Variants in SLIT3 observed in about 807,000 individuals in gnomAD.
The protein encoded by SLIT3 is slit homolog 3 protein.
In SLIT3, 68 loss-of-function variants were observed where a neutral mutation model predicts 184.0. The observed-to-expected ratio is 0.37, with a 90% CI of 0.30 to 0.45. The LOEUF (loss-of-function observed/expected upper bound fraction) is 0.45, where lower values mean the gene tolerates loss of function less well. Among genes scored for constraint, SLIT3 ranks in the 20% least tolerant of loss-of-function variants. The pLI, the probability that SLIT3 is intolerant of heterozygous loss-of-function variation, is 1.00. For missense variants in SLIT3, 1,707 were observed against 2,026.0 expected (o/e 0.84, Z 3.02); for synonymous variants, 831 against 828.6 (o/e 1.00, Z -0.05).
intron 9 of SLIT3, among the ~76,000 whole-genome samples, chr5:168,800,158 C>T (rs563501236): frequency 3.4e-4 from 52 of 152,358 alleles, no homozygotes; most frequent in African/African-American, 1.3e-3. Flanking sequence ...GGTTCAGTTC[C>T]TGATGCTTCC....
At chr5:168,930,736 C>G (rs901600164) in intron 4 of SLIT3, among the ~76,000 whole-genome samples, 1 of 152,060 alleles carries the variant, frequency 6.6e-6, no homozygotes, top group African/African-American at 2.4e-5. Flanking sequence ...CGCTTGGCAG[C>G]TGACACCTGT....
intron 10 of SLIT3, 111 bp from the exon 11 acceptor site, chr5:168,789,742 T>G: frequency 1.3e-6 from 1 of 784,152 alleles, no homozygotes; most frequent in Non-Finnish European, 2.2e-6. Context: ...GATTAATCAA[T>G]CAATCAAGCA....
At chr5:169,040,756 C>T (rs1042193010) in intron 4 of SLIT3, among the ~76,000 whole-genome samples, 3 of 152,218 alleles carry the variant, frequency 2.0e-5, no homozygotes, top group African/African-American at 7.2e-5. Context: ...TCACCTCAAT[C>T]AATTATCCCT....
chr5:168,853,751 GC>G (rs1251499059), intron 5 of SLIT3, among the ~76,000 whole-genome samples: 1 of 152,138 alleles, frequency 6.6e-6, no homozygotes, highest in Admixed American at 6.5e-5. Context: ...TCTGGAAACA[GC>G]CCAGACTCCT....
chr5:169,262,110 C>A (rs982709694), intron 1 of SLIT3, among the ~76,000 whole-genome samples: 2 of 152,136 alleles, frequency 1.3e-5, no homozygotes, highest in African/African-American at 4.8e-5. Context: ...TTGTGTGCAG[C>A]CTTATGAAAC....
chr5:168,686,183 C>T (rs527864286), intron 30 of SLIT3, among the ~76,000 whole-genome samples: 11 of 152,252 alleles, frequency 7.2e-5, no homozygotes, highest in African/African-American at 9.6e-5. Context: ...AGGGGAGGAT[C>T]GCTTGTGCAC....
intron 3 of SLIT3, among the ~76,000 whole-genome samples, chr5:169,212,014 T>C (rs12517296): frequency 0.24 from 37,081 of 152,222 alleles, 5,307 homozygotes; most frequent in East Asian, 0.64. Context: ...CTTTATCCAG[T>C]GTATCATTGA....
chr5:168,724,346 A>G lies in SLIT3; in HGVS notation c.2339+70T>C, dbSNP rs557060165. 3.1e-5 allele frequency: 40 copies of G among 1,269,926 alleles called. No homozygotes were observed. The African/African-American group carries it at 5.3e-4, about 17-fold the overall frequency. The allele number at this position is 1,269,926 out of a possible 1,614,324, so 78.7% of individuals were successfully genotyped here. ...GCCTGCAGCTCTGTTCTCTCTTACC[A>G]TCCACTTCAGTTTCCTGAGCGACCC... On this transcript the variant is annotated intron_variant, in intron 21 of 35. Transcript: ENST00000519560.
intron 4 of SLIT3, among the ~76,000 whole-genome samples, chr5:169,123,911 A>G (rs1177964264): frequency 6.6e-6 from 1 of 152,172 alleles, no homozygotes; most frequent in African/African-American, 2.4e-5. Flanking sequence ...GTGTTATGAG[A>G]AAGTTAGCCA....
chr5:168,837,782 T>C (rs952098613), intron 6 of SLIT3, among the ~76,000 whole-genome samples: 1 of 152,240 alleles, frequency 6.6e-6, no homozygotes, highest in South Asian at 2.1e-4. Context: ...TGCTATTTGC[T>C]AGGCACACAC....
chr5:169,284,199 C>T (rs188517274), intron 1 of SLIT3, among the ~76,000 whole-genome samples: 18 of 152,306 alleles, frequency 1.2e-4, no homozygotes, highest in African/African-American at 4.3e-4. Context: ...CTGAGCAAAA[C>T]GATTATAACT....
rs189768338 is a variant in SLIT3, at chr5:168,755,383, G to A, written c.1686-1376C>T. On this transcript the variant is annotated intron_variant, in intron 16 of 35. Coordinates refer to ENST00000519560, the MANE Select transcript of SLIT3 (RefSeq NM_003062.4). The stretch of plus-strand genomic sequence containing the variant: ...AGCTTGGTCCTATCAAACCCTCAGT[G>A]CCGCCATTTCTTTCTTTCTTTCTTT... 3.0e-3 allele frequency among the ~76,000 whole-genome samples: 376 copies of A among 125,656 alleles called. 1 individual carries two copies. The highest frequency in any genetic ancestry group is 9.9e-3 in the African/African-American group (357 of 36,142). 82.4% of individuals were successfully genotyped at this position (125,656 alleles called of 152,430 possible). A position where few individuals can be genotyped will look rare whatever the true frequency, so the allele number is the denominator to read the frequency against.
chr5:168,859,515 T>G (rs1267784136), intron 5 of SLIT3, among the ~76,000 whole-genome samples: 2 of 152,226 alleles, frequency 1.3e-5, no homozygotes, highest in Admixed American at 6.5e-5. Flanking sequence ...GGATAATCCA[T>G]AAGCCCAGGC....
chr5:169,216,567 G>T (rs2113522878), intron 3 of SLIT3, among the ~76,000 whole-genome samples: 1 of 152,238 alleles, frequency 6.6e-6, no homozygotes, highest in Admixed American at 6.5e-5. Flanking sequence ...ACTTTCTTTG[G>T]CTGAAAAGCT....
chr5:169,097,678 G>GC (rs1759839914), intron 4 of SLIT3, among the ~76,000 whole-genome samples: 1 of 152,220 alleles, frequency 6.6e-6, no homozygotes, highest in South Asian at 2.1e-4. Flanking sequence ...GCCAGAGGGG[G>GC]CTGTTGGAGG....
intron 1 of SLIT3, among the ~76,000 whole-genome samples, chr5:169,299,454 T>A (rs1172288320): frequency 6.6e-6 from 1 of 151,936 alleles, no homozygotes; most frequent in Non-Finnish European, 1.5e-5. Context: ...CTAAGGCACA[T>A]GAGGAAGGGG....
At chr5:168,988,073 C>T (rs1755196297) in intron 4 of SLIT3, among the ~76,000 whole-genome samples, 1 of 152,246 alleles carries the variant, frequency 6.6e-6, no homozygotes, top group Non-Finnish European at 1.5e-5. Context: ...TAGAAACCTC[C>T]CTAGGCTGGG....
intron 4 of SLIT3, among the ~76,000 whole-genome samples, chr5:168,972,336 CATGT>C (rs1240006397): frequency 3.0e-4 from 12 of 39,778 alleles, no homozygotes; most frequent in Admixed American, 1.0e-3. Flanking sequence ...TGCAGGACAA[CATGT>C]GTGTGTGTGT....
At chr5:169,155,808 GT>G (rs2113379471) in intron 4 of SLIT3, among the ~76,000 whole-genome samples, 1 of 152,330 alleles carries the variant, frequency 6.6e-6, no homozygotes, top group East Asian at 1.9e-4. Flanking sequence ...AGTAAGAAAA[GT>G]TGCCTGTGCA....
Sources: allele counts gnomAD v4.1 joint callset (sites outside exome capture counted in the v4.1 genomes callset), GRCh38; gene constraint gnomAD v4.1.1; transcripts MANE v1.5; gene names NCBI Gene and HGNC (gene_info 2026-07-23, HGNC 2026-07-21).